Variants in FTCDNL1 observed in about 807,000 individuals in gnomAD.
FTCDNL1 encodes formiminotransferase cyclodeaminase N-terminal like, also known as formiminotransferase N-terminal subdomain-containing protein.
In FTCDNL1, 11 loss-of-function variants were observed where a neutral mutation model predicts 5.9. That is an observed-to-expected ratio of 1.87 (90% CI 1.18 to 3.10). The LOEUF (loss-of-function observed/expected upper bound fraction) is 3.10, where lower values mean the gene tolerates loss of function less well. Ranked by LOEUF, FTCDNL1 falls within the 30% of genes most tolerant of loss-of-function variation. The pLI is 0.00. For missense variants in FTCDNL1, 115 were observed against 65.5 expected (o/e 1.76, Z -2.61); for synonymous variants, 58 against 24.8 (o/e 2.34, Z -3.99).
chr2:199,843,896 T>C (rs1482376920), intron 3 of FTCDNL1, among the ~76,000 whole-genome samples: 1 of 151,838 alleles, frequency 6.6e-6, no homozygotes, highest in African/African-American at 2.4e-5. Flanking sequence ...GCTGAAATCA[T>C]TCAAGTGGCA....
the FTCDNL1 span, among the ~76,000 whole-genome samples, chr2:199,713,447 T>G: frequency 0.89 from 135,111 of 152,174 alleles, 60,376 homozygotes; most frequent in East Asian, 1. Flanking sequence ...ATGGCACAGG[T>G]AATGAGAAGC....
chr2:199,752,851 A>G, the FTCDNL1 span, among the ~76,000 whole-genome samples: 4 of 150,174 alleles, frequency 2.7e-5, no homozygotes, highest in Non-Finnish European at 5.9e-5. Context: ...AGAGAGACAG[A>G]CAATGAGAGA....
chr2:199,785,645 T>C (rs1699605070), intron 3 of FTCDNL1: 2 of 152,104 alleles, frequency 1.3e-5, no homozygotes, highest in Non-Finnish European at 2.9e-5. Context: ...ATTCACATGA[T>C]TGAATTTTTT....
chr2:199,673,327 C>CA, the FTCDNL1 span, among the ~76,000 whole-genome samples: 12,472 of 69,454 alleles, frequency 0.18, 1,227 homozygotes, highest in East Asian at 0.29. Context: ...GACTCTGTCT[C>CA]AAAAAAAAAA....
intron 3 of FTCDNL1, among the ~76,000 whole-genome samples, chr2:199,797,119 G>A (rs768178639): frequency 2.6e-5 from 4 of 152,168 alleles, no homozygotes; most frequent in Non-Finnish European, 2.9e-5. Context: ...ATAAGCGATA[G>A]CAATCATTTC....
the FTCDNL1 span, among the ~76,000 whole-genome samples, chr2:199,690,031 A>G: frequency 6.6e-6 from 1 of 152,306 alleles, no homozygotes; most frequent in East Asian, 1.9e-4. Context: ...TTCAAAACAC[A>G]CCTACTGCTA....
At chr2:199,830,774 T>C (rs981534786) in intron 3 of FTCDNL1, among the ~76,000 whole-genome samples, 3 of 152,164 alleles carry the variant, frequency 2.0e-5, no homozygotes, top group South Asian at 2.1e-4. Context: ...ATGCACGAGA[T>C]ACAGAAATTT....
the FTCDNL1 span, among the ~76,000 whole-genome samples, chr2:199,730,668 G>A: frequency 6.6e-6 from 1 of 152,154 alleles, no homozygotes; most frequent in Non-Finnish European, 1.5e-5. Context: ...AGTTAGAATG[G>A]CAATCATTAA....
intron 4 of FTCDNL1, among the ~76,000 whole-genome samples, chr2:199,816,880 T>C (rs1460559086): frequency 6.6e-6 from 1 of 152,244 alleles, no homozygotes; most frequent in Non-Finnish European, 1.5e-5. Context: ...AAGGCTTTTA[T>C]TTATCGTCTG....
At chr2:199,841,529 C>G (rs550812879) in intron 3 of FTCDNL1, among the ~76,000 whole-genome samples, 27 of 152,132 alleles carry the variant, frequency 1.8e-4, no homozygotes, top group Non-Finnish European at 3.1e-4. Flanking sequence ...ATATTTATAT[C>G]AAAATTTGGA....
chr2:199,720,146 T>C, the FTCDNL1 span, among the ~76,000 whole-genome samples: 1 of 152,198 alleles, frequency 6.6e-6, no homozygotes, highest in African/African-American at 2.4e-5. Flanking sequence ...TTTCTAGGCA[T>C]ATGATCATAC....
At chr2:199,841,512 C>T (rs979503864) in intron 3 of FTCDNL1, among the ~76,000 whole-genome samples, 2 of 152,014 alleles carry the variant, frequency 1.3e-5, no homozygotes, top group Non-Finnish European at 2.9e-5. Flanking sequence ...CCAACCATCC[C>T]CTCAATATAT....
At chr2:199,740,144 T>C in the FTCDNL1 span, among the ~76,000 whole-genome samples, 2 of 152,214 alleles carry the variant, frequency 1.3e-5, no homozygotes, top group African/African-American at 4.8e-5. Flanking sequence ...CTGCAAAGAA[T>C]CACTATTGCA....
At chr2:199,849,332 G>GT (rs977424975) in intron 1 of FTCDNL1, among the ~76,000 whole-genome samples, 67 of 152,044 alleles carry the variant, frequency 4.4e-4, no homozygotes, top group African/African-American at 1.3e-3. Context: ...AAACAGGTAT[G>GT]TTTTTTTTGT....
chr2:199,770,562 G>A (rs902040926), intron 3 of FTCDNL1, among the ~76,000 whole-genome samples: 1 of 152,038 alleles, frequency 6.6e-6, no homozygotes, highest in Non-Finnish European at 1.5e-5. Context: ...GCATATATTT[G>A]TTCCTCCTGG....
At chr2:199,803,092 G>C (rs1224891029) in intron 3 of FTCDNL1, among the ~76,000 whole-genome samples, 1 of 150,914 alleles carries the variant, frequency 6.6e-6, no homozygotes, top group Non-Finnish European at 1.5e-5. Flanking sequence ...TACTCGGGAG[G>C]CTGAGGTGCA....
intron 3 of FTCDNL1, among the ~76,000 whole-genome samples, chr2:199,762,045 C>A (rs1312816245): frequency 6.6e-6 from 1 of 151,980 alleles, no homozygotes; most frequent in East Asian, 1.9e-4. Flanking sequence ...CTAACGATAG[C>A]CGATGAGAAA....
At chr2:199,752,834 G>T in the FTCDNL1 span, among the ~76,000 whole-genome samples, 2 of 151,512 alleles carry the variant, frequency 1.3e-5, no homozygotes, top group African/African-American at 2.4e-5. Context: ...TATAGATAGA[G>T]AGAGAGAGAG....
the FTCDNL1 span, among the ~76,000 whole-genome samples, chr2:199,742,428 G>C: frequency 1.3e-5 from 2 of 152,120 alleles, no homozygotes; most frequent in African/African-American, 4.8e-5. Flanking sequence ...AATGTTCGGG[G>C]ATCAACGCCT....
Sources: allele counts gnomAD v4.1 joint callset (sites outside exome capture counted in the v4.1 genomes callset), GRCh38; gene constraint gnomAD v4.1.1; transcripts MANE v1.5; gene names NCBI Gene and HGNC (gene_info 2026-07-23, HGNC 2026-07-21).